The following ANTXR2 variants were observed in gnomAD, a reference collection of about 807,000 sequenced individuals.
ANTXR2 encodes the protein ANTXR cell adhesion molecule 2, also known as anthrax toxin receptor 2.
ANTXR2 carries 44 observed loss-of-function variants against 73.7 expected under a neutral mutation model. The observed-to-expected ratio is 0.60, with a 90% CI of 0.47 to 0.77. ANTXR2 has a LOEUF of 0.77. Ranked by LOEUF, ANTXR2 falls within the 30% of genes least tolerant of loss-of-function variation. The pLI is 0.00. For missense variants in ANTXR2, 604 were observed against 592.5 expected (o/e 1.02, Z -0.20); for synonymous variants, 217 against 205.9 (o/e 1.05, Z -0.46).
chr4:79,955,356 C>T (rs1728849231), intron 16 of ANTXR2, among the ~76,000 whole-genome samples: 1 of 152,046 alleles, frequency 6.6e-6, no homozygotes, highest in African/African-American at 2.4e-5. Context: ...GTCCCTTGAA[C>T]ATATTTTCAA....
intron 12 of ANTXR2, among the ~76,000 whole-genome samples, chr4:79,986,810 G>A (rs1313214293): frequency 5.3e-5 from 8 of 152,092 alleles, no homozygotes; most frequent in African/African-American, 1.2e-4. Context: ...GTTTGACCTC[G>A]AGAGGTCAAA....
At chr4:79,997,722 T>C (rs992399270) in intron 12 of ANTXR2, among the ~76,000 whole-genome samples, 1 of 151,938 alleles carries the variant, frequency 6.6e-6, no homozygotes. Flanking sequence ...ATCTGGACAA[T>C]AAATATAATT....
At chr4:79,973,132 G>T (rs1729493520) in intron 16 of ANTXR2, among the ~76,000 whole-genome samples, 1 of 152,010 alleles carries the variant, frequency 6.6e-6, no homozygotes, top group Non-Finnish European at 1.5e-5. Flanking sequence ...AAGGTGGGGA[G>T]GAAGGGAAGT....
chr4:79,957,143 A>G (rs1341060486), intron 16 of ANTXR2, among the ~76,000 whole-genome samples: 1 of 152,148 alleles, frequency 6.6e-6, no homozygotes, highest in Non-Finnish European at 1.5e-5. Flanking sequence ...TAAGCTACTC[A>G]GGAAAACACA....
chr4:80,011,020 G>A (rs185141255), intron 11 of ANTXR2, among the ~76,000 whole-genome samples: 11 of 151,946 alleles, frequency 7.2e-5, no homozygotes, highest in South Asian at 2.1e-4. Context: ...GGTGGTGGGC[G>A]CCTGTAGTCC....
At chr4:80,062,207 A>C (rs561654230) in intron 3 of ANTXR2, among the ~76,000 whole-genome samples, 4 of 152,284 alleles carry the variant, frequency 2.6e-5, no homozygotes, top group South Asian at 4.1e-4. Context: ...AGATCCAGAA[A>C]TATCTGCTCA....
intron 7 of ANTXR2, among the ~76,000 whole-genome samples, chr4:80,051,615 A>T (rs2110104252): frequency 6.6e-6 from 1 of 151,780 alleles, no homozygotes; most frequent in South Asian, 2.1e-4. Flanking sequence ...AAAAATACTA[A>T]AACAATGCAT....
intron 7 of ANTXR2, among the ~76,000 whole-genome samples, chr4:80,037,987 A>T (rs999031237): frequency 2.6e-5 from 4 of 152,154 alleles, no homozygotes; most frequent in Non-Finnish European, 4.4e-5. Flanking sequence ...GACTAATTGC[A>T]TCTTTCAGTT....
At chr4:80,022,386 C>T (rs568936651) in intron 10 of ANTXR2, among the ~76,000 whole-genome samples, 1 of 152,266 alleles carries the variant, frequency 6.6e-6, no homozygotes, top group Non-Finnish European at 1.5e-5. Context: ...AACTTTGCTG[C>T]TTCTTTAGAA....
chr4:80,072,788 C>T lies in ANTXR2; in HGVS notation c.-228G>A. 1 of 1,169,630 alleles carries T rather than the reference C, an allele frequency of 8.5e-7. No individual in the cohort carries two copies. 72.5% of individuals were successfully genotyped at this position (1,169,630 alleles called of 1,614,324 possible). Reference sequence around the variant, plus strand: ...CACCGCCGCAGCTGCCGCCGGAACTCTTGACGAATCCCAGTGGAAGCGCGA... The same window carrying T: ...CACCGCCGCAGCTGCCGCCGGAACTTTTGACGAATCCCAGTGGAAGCGCGA... On this transcript the variant is annotated 5_prime_UTR_variant, in exon 1 of 17. Transcript: ENST00000403729.
intron 16 of ANTXR2, among the ~76,000 whole-genome samples, chr4:79,976,583 G>A (rs766909551): frequency 6.6e-6 from 1 of 152,162 alleles, no homozygotes; most frequent in Non-Finnish European, 1.5e-5. Context: ...ATTAAAAGTG[G>A]GTATCAATAT....
At chr4:79,982,959 A>C (rs149189120) in intron 14 of ANTXR2, among the ~76,000 whole-genome samples, 1 of 152,148 alleles carries the variant, frequency 6.6e-6, no homozygotes, top group Non-Finnish European at 1.5e-5. Flanking sequence ...TCTGAATTTT[A>C]TTGTAATGTA....
chr4:79,980,921 T>TAAAAAAAAAAA (rs11397721), intron 14 of ANTXR2, among the ~76,000 whole-genome samples: 4 of 137,564 alleles, frequency 2.9e-5, no homozygotes, highest in African/African-American at 8.2e-5. Context: ...TTAAGGGCTT[T>TAAAAAAAAAAA]AAAAAAAAAA....
intron 7 of ANTXR2, among the ~76,000 whole-genome samples, chr4:80,050,478 G>C (rs1733722814): frequency 6.6e-6 from 1 of 151,610 alleles, no homozygotes; most frequent in African/African-American, 2.4e-5. Context: ...CCCTGGGTTA[G>C]TTTCCTGCCA....
Position 79,952,054 on chromosome 4 carries a change from C to A in ANTXR2, c.1428+25567G>T, listed in dbSNP as rs368060731. Among the ~76,000 whole-genome samples the A allele has an allele frequency of 2.1e-4, 32 of 151,522 alleles. No individual in the cohort carries two copies. The East Asian group carries it at 6.1e-3, about 29-fold the overall frequency. On this transcript the variant is annotated intron_variant, in intron 16 of 16. Transcript: ENST00000403729. Reference sequence around the variant, plus strand: ...ATAGTGGGTACTCAGGAAAAAATGGCTAATTTTATTTTATGCCTATCATGT... The same window carrying A: ...ATAGTGGGTACTCAGGAAAAAATGGATAATTTTATTTTATGCCTATCATGT...
At chr4:80,041,697 TTGTAAGTGAGGACA>T (rs1560418781) in intron 7 of ANTXR2, among the ~76,000 whole-genome samples, 1 of 152,102 alleles carries the variant, frequency 6.6e-6, no homozygotes, top group Non-Finnish European at 1.5e-5. Flanking sequence ...CAGCTCCCGC[TTGTAAGTGAGGACA>T]TGCAGTGTTT....
intron 16 of ANTXR2, among the ~76,000 whole-genome samples, chr4:79,914,524 T>G (rs1306821035): frequency 6.6e-6 from 1 of 152,124 alleles, no homozygotes; most frequent in Non-Finnish European, 1.5e-5. Context: ...CCTCTTAACC[T>G]CTACAATCCT....
intron 16 of ANTXR2, among the ~76,000 whole-genome samples, chr4:79,927,018 CAT>C (rs1475905015): frequency 6.0e-5 from 5 of 83,680 alleles, no homozygotes; most frequent in South Asian, 3.9e-4. Flanking sequence ...TGCATATATA[CAT>C]ATGTGTATAT....
At chr4:79,977,407 C>A in intron 16 of ANTXR2, 1 of 977,984 alleles carries the variant, frequency 1.0e-6, no homozygotes, top group African/African-American at 1.7e-5. Flanking sequence ...TAAAGAATTT[C>A]TTGAAAAGGG....
Sources: gnomAD v4.1 joint callset for allele counts (sites outside exome capture counted in the v4.1 genomes callset) on GRCh38, gnomAD v4.1.1 for gene constraint, MANE v1.5 for transcripts, NCBI Gene and HGNC (gene_info 2026-07-23, HGNC 2026-07-21) for gene names.